HPSE: variants seen among roughly 807,000 people sequenced by gnomAD.
HPSE encodes endo-glucoronidase.
In HPSE, 48 loss-of-function variants were observed where a neutral mutation model predicts 65.1. The observed-to-expected ratio is 0.74, with a 90% confidence interval of 0.58 to 0.94. The LOEUF (loss-of-function observed/expected upper bound fraction) is 0.94, where lower values mean the gene tolerates loss of function less well. Among genes scored for constraint, HPSE ranks in the 40% least tolerant of loss-of-function variants. The pLI is 0.00. For missense variants in HPSE, 644 were observed against 637.5 expected (o/e 1.01, Z -0.11); for synonymous variants, 243 against 260.0 (o/e 0.93, Z 0.63).
chr4:83,334,837 A>G lies in HPSE; in HGVS notation c.-55T>C. ...AGCTGCCGCGCAGCGGAGAGTCGAGAGCTCTAGCACTTCCTCCCGCCGAGC... is the reference window on the plus strand; with the variant it reads ...AGCTGCCGCGCAGCGGAGAGTCGAGGGCTCTAGCACTTCCTCCCGCCGAGC... On this transcript the variant is annotated 5_prime_UTR_variant, in exon 1 of 12. Transcript: ENST00000311412. 11 of 1,464,388 alleles carry G rather than the reference A, an allele frequency of 7.5e-6. 1 individual carries two copies. In the South Asian group the frequency reaches 1.5e-4, roughly 21 times the overall value. 90.7% of individuals were successfully genotyped at this position (1,464,388 alleles called of 1,614,324 possible).
At chr4:83,333,043 T>C (rs931015671) in intron 1 of HPSE, among the ~76,000 whole-genome samples, 64 of 152,092 alleles carry the variant, frequency 4.2e-4, no homozygotes, top group African/African-American at 1.5e-3. Flanking sequence ...AGTATCAGCT[T>C]CCTATCCTTA....
At chr4:83,325,589 G>T (rs983552962) in intron 1 of HPSE, among the ~76,000 whole-genome samples, 1 of 152,224 alleles carries the variant, frequency 6.6e-6, no homozygotes, top group South Asian at 2.1e-4. Context: ...AGTTGCTGGA[G>T]ATGAATGGTG....
chr4:83,301,630 A>C (rs6826758), intron 10 of HPSE, among the ~76,000 whole-genome samples: 104,098 of 152,012 alleles, frequency 0.68, 36,012 homozygotes, highest in East Asian at 0.89. Flanking sequence ...GTTCCCAGTC[A>C]CCAACAATCG....
chr4:83,298,271 A>T (rs948855058), intron 11 of HPSE, among the ~76,000 whole-genome samples: 2 of 152,230 alleles, frequency 1.3e-5, no homozygotes, highest in South Asian at 4.1e-4. Flanking sequence ...AGCAAGCAAC[A>T]GATTCGGCGG....
At chr4:83,307,003 C>G (rs1736167518) in intron 8 of HPSE, among the ~76,000 whole-genome samples, 1 of 152,144 alleles carries the variant, frequency 6.6e-6, no homozygotes, top group African/African-American at 2.4e-5. Context: ...GCCATCCCAT[C>G]CAGGAACAGA....
chr4:83,334,489 G>A, intron 1 of HPSE, 67 bp downstream of exon 1: 3 of 1,467,018 alleles, frequency 2.0e-6, no homozygotes, highest in Non-Finnish European at 2.7e-6. Context: ...AAGGAGAGCG[G>A]CTGGCGGGGC....
chr4:83,308,877 G>A lies in HPSE; in HGVS notation c.1059C>T (p.Pro353=), dbSNP rs199605724. 3.7e-5 allele frequency: 59 copies of A among 1,614,094 alleles called. No individual in the cohort carries two copies. Among genetic ancestry groups the A allele is most frequent in the Non-Finnish European group, 4.9e-5 (58 of 1,179,986 alleles). The change falls in exon 8 of 12, where the codon CCC becomes CCT. Residue 353 remains proline, a synonymous_variant. Transcript: ENST00000311412. ...ETSSAYGGGA[P]LLSDTFAAGF... is the part of the protein sequence containing the mutation. ...CAGCTGCAAAGGTGTCGGATAGCAAGGGCGCTCCGCCTCCATATGCAGAGC... is the reference window on the plus strand; with the variant it reads ...CAGCTGCAAAGGTGTCGGATAGCAAAGGCGCTCCGCCTCCATATGCAGAGC...
chr4:83,319,204 T>C (rs1385210059), intron 3 of HPSE, 140 bp downstream of exon 3: 2 of 852,028 alleles, frequency 2.3e-6, no homozygotes, highest in Middle Eastern at 2.4e-4. Flanking sequence ...GTTTTGAGTT[T>C]AGGATTTCCC....
At chr4:83,304,576 C>G (rs907212580) in intron 9 of HPSE, among the ~76,000 whole-genome samples, 1 of 152,082 alleles carries the variant, frequency 6.6e-6, no homozygotes, top group South Asian at 2.1e-4. Flanking sequence ...TGCTGTAATC[C>G]CAACACTGGG....
chr4:83,313,406 T>A, intron 3 of HPSE, 119 bp from the exon 4 acceptor site: 2 of 605,910 alleles, frequency 3.3e-6, no homozygotes, highest in South Asian at 2.7e-5. Flanking sequence ...CTAGTTCTAA[T>A]AAATGATTAT....
chr4:83,311,315 A>C (rs948767484), intron 4 of HPSE, among the ~76,000 whole-genome samples: 4 of 152,132 alleles, frequency 2.6e-5, no homozygotes, highest in Non-Finnish European at 4.4e-5. Flanking sequence ...AAAAAATAAA[A>C]TAAATAAGTA....
intron 1 of HPSE, 106 bp from the exon 2 acceptor site, chr4:83,322,470 T>A (rs1182537702): frequency 3.3e-6 from 3 of 902,556 alleles, no homozygotes; most frequent in Non-Finnish European, 4.9e-6. Flanking sequence ...AACATTTCCC[T>A]GTGCAGGACT....
At chr4:83,306,830 T>C (rs1736162380) in intron 8 of HPSE, among the ~76,000 whole-genome samples, 4 of 152,194 alleles carry the variant, frequency 2.6e-5, no homozygotes, top group Admixed American at 6.5e-5. Flanking sequence ...GGTTTAGGGA[T>C]AATGCAGCCT....
chr4:83,303,633 T>C (rs1335868405), intron 9 of HPSE, among the ~76,000 whole-genome samples: 2 of 152,254 alleles, frequency 1.3e-5, no homozygotes, highest in Non-Finnish European at 2.9e-5. Flanking sequence ...TACTGCAGCC[T>C]CAACCTCCTG....
chr4:83,325,244 C>T (rs769773859), intron 1 of HPSE, among the ~76,000 whole-genome samples: 2 of 150,752 alleles, frequency 1.3e-5, no homozygotes, highest in Non-Finnish European at 3.0e-5. Flanking sequence ...CGGCTCACTG[C>T]CACCTCTGCC....
chr4:83,333,812 A>T (rs1737494943), intron 1 of HPSE, among the ~76,000 whole-genome samples: 2 of 150,512 alleles, frequency 1.3e-5, no homozygotes, highest in Admixed American at 1.3e-4. Context: ...TTAGATTTTT[A>T]TTCCTGTTCT....
Position 83,334,716 on chromosome 4 carries a change from G to C in HPSE, c.67C>G (p.Pro23Ala). 6.4e-7 allele frequency: 1 copy of C among 1,565,780 alleles called. No individual in the cohort carries two copies. ...LMLLLLGPLG[P>A]LSPGALPRPA... is the part of the protein sequence containing the mutation. Reference sequence around the variant, plus strand: ...CGGGGCAGGGCGCCAGGGGAGAGGGGACCCAGCGGCCCCAGGAGCAGCAGC... The same window carrying C: ...CGGGGCAGGGCGCCAGGGGAGAGGGCACCCAGCGGCCCCAGGAGCAGCAGC... Residue 23 changes from proline (P) to alanine (A), a missense_variant, in exon 1 of 12, where the codon CCC becomes GCC. Coordinates refer to ENST00000311412, the MANE Select transcript of HPSE (RefSeq NM_001098540.3).
chr4:83,322,789 T>TGTGTGTGTG (rs1560514324), intron 1 of HPSE, among the ~76,000 whole-genome samples: 5 of 104,004 alleles, frequency 4.8e-5, no homozygotes, highest in African/African-American at 1.1e-4. Flanking sequence ...AAGAGCTTGT[T>TGTGTGTGTG]TGTGTGTGTG....
At chr4:83,321,238 T>G (rs1331279134) in intron 2 of HPSE, among the ~76,000 whole-genome samples, 1 of 151,998 alleles carries the variant, frequency 6.6e-6, no homozygotes, top group Non-Finnish European at 1.5e-5. Context: ...CATAAACAAC[T>G]CCAACCTGGT....
Sources: gnomAD v4.1 joint callset for allele counts (sites outside exome capture counted in the v4.1 genomes callset) on GRCh38, gnomAD v4.1.1 for gene constraint, MANE v1.5 for transcripts, NCBI Gene and HGNC (gene_info 2026-07-23, HGNC 2026-07-21) for gene names.